The following RORA variants were observed in gnomAD, a reference collection of about 807,000 sequenced individuals.
The protein encoded by RORA is nuclear receptor ROR-alpha.
Under a neutral mutation model 69.5 loss-of-function variants are expected in RORA, and 7 were observed. That is an observed-to-expected ratio of 0.10 (90% CI 0.06 to 0.19). The LOEUF is 0.19. RORA is among the 10% of genes least tolerant of loss of function. RORA has a pLI of 1.00. For missense variants in RORA, 457 were observed against 663.0 expected (o/e 0.69, Z 3.41); for synonymous variants, 261 against 240.8 (o/e 1.08, Z -0.78).
At chr15:60,560,974 T>G (rs1280669966) in intron 2 of RORA, among the ~76,000 whole-genome samples, 1 of 152,064 alleles carries the variant, frequency 6.6e-6, no homozygotes, top group African/African-American at 2.4e-5. Context: ...TATACACATC[T>G]GTACTCCCAC....
chr15:60,891,884 C>T (rs578093031), intron 1 of RORA, among the ~76,000 whole-genome samples: 1 of 152,194 alleles, frequency 6.6e-6, no homozygotes, highest in South Asian at 2.1e-4. Context: ...CTCCTGGATG[C>T]CTTCGTGGCT....
chr15:60,773,152 C>T (rs892286531), intron 1 of RORA, among the ~76,000 whole-genome samples: 6 of 152,142 alleles, frequency 3.9e-5, no homozygotes, highest in African/African-American at 1.4e-4. Flanking sequence ...GAGGATGAAG[C>T]CTTGATCCAT....
intron 1 of RORA, chr15:60,841,088 C>G (rs2140403267): frequency 1.0e-6 from 1 of 985,228 alleles, no homozygotes; most frequent in East Asian, 1.1e-4. Flanking sequence ...GACTGACTCC[C>G]CGTGAGCATT....
chr15:60,722,200 CAAG>C (rs1379259990), intron 1 of RORA, among the ~76,000 whole-genome samples: 1 of 152,166 alleles, frequency 6.6e-6, no homozygotes, highest in African/African-American at 2.4e-5. Context: ...TTCTGAATTT[CAAG>C]AAGACTTCCA....
chr15:61,061,354 AAAATAAATAAATAAATAAAT>A lies in RORA; in HGVS notation c.166+167679_166+167698del, dbSNP rs59914367. Among the ~76,000 whole-genome samples, 1 of 137,102 alleles carries A rather than the reference AAAATAAATAAATAAATAAAT, an allele frequency of 7.3e-6. No individual in the cohort carries two copies. The highest frequency in any genetic ancestry group is 2.7e-5 in the African/African-American group (1 of 36,956). 89.9% of individuals were successfully genotyped at this position (137,102 alleles called of 152,430 possible). A position where few individuals can be genotyped will look rare whatever the true frequency, so the allele number is the denominator to read the frequency against. On this transcript the variant is annotated intron_variant, in intron 1 of 10. Transcript: ENST00000335670. This position sits in a 1 kb window ranked among gnomAD's most constrained non-coding sequence, Gnocchi z 4.4. Reference sequence around the variant, plus strand: ...GAGACAGAGCGAGGCTCTATCTTAAAAAATAAATAAATAAATAAATAAATAAATAAATAAATAAATAAATA... The same window carrying A: ...GAGACAGAGCGAGGCTCTATCTTAAAAAATAAATAAATAAATAAATAAATA...
chr15:60,634,391 T>C (rs1202655695), intron 2 of RORA, among the ~76,000 whole-genome samples: 1 of 141,728 alleles, frequency 7.1e-6, no homozygotes, highest in African/African-American at 2.8e-5. Flanking sequence ...AGAGAAGCAG[T>C]GCTACCACTT....
At chr15:60,939,203 T>C (rs1258462027) in intron 1 of RORA, among the ~76,000 whole-genome samples, 2 of 152,148 alleles carry the variant, frequency 1.3e-5, no homozygotes, top group South Asian at 2.1e-4. Flanking sequence ...CATTCATTCA[T>C]TCCATTCATT....
intron 1 of RORA, among the ~76,000 whole-genome samples, chr15:60,733,947 AGAGAG>A (rs1274262673): frequency 2.6e-5 from 4 of 151,350 alleles, no homozygotes; most frequent in Admixed American, 6.6e-5. Context: ...AGAGAGAGAG[AGAGAG>A]AGAAAGAGAA....
At chr15:60,643,196 GTTAAA>G (rs1373285457) in intron 2 of RORA, among the ~76,000 whole-genome samples, 1 of 152,144 alleles carries the variant, frequency 6.6e-6, no homozygotes, top group East Asian at 1.9e-4. Context: ...CACACATTAA[GTTAAA>G]TTAAAAAGAA....
chr15:61,171,383 A>G (rs916467947), intron 1 of RORA, among the ~76,000 whole-genome samples: 49 of 152,284 alleles, frequency 3.2e-4, no homozygotes, highest in African/African-American at 1.1e-3. Flanking sequence ...AGAGCCTGCT[A>G]AGCCAGACTG....
At chr15:60,847,315 C>A (rs2073276996) in intron 1 of RORA, among the ~76,000 whole-genome samples, 1 of 151,938 alleles carries the variant, frequency 6.6e-6, no homozygotes. Flanking sequence ...TCGGAGGTTG[C>A]AGCCAGGCAA....
intron 1 of RORA, among the ~76,000 whole-genome samples, chr15:60,904,029 G>C (rs1467421967): frequency 1.3e-5 from 2 of 152,166 alleles, no homozygotes; most frequent in East Asian, 1.9e-4. Context: ...TGAGTGCTCA[G>C]TGTCAGGAAC....
chr15:60,935,575 G>A (rs1368686005), intron 1 of RORA, among the ~76,000 whole-genome samples: 1 of 152,180 alleles, frequency 6.6e-6, no homozygotes, highest in Non-Finnish European at 1.5e-5. Flanking sequence ...GCTTACACTG[G>A]AACAGAAAAT....
chr15:60,854,604 T>C (rs1028491309), intron 1 of RORA, among the ~76,000 whole-genome samples: 10 of 152,130 alleles, frequency 6.6e-5, no homozygotes, highest in African/African-American at 2.4e-4. Context: ...TTAGTAGGTA[T>C]CAGAAACAAA....
chr15:61,092,776 A>G (rs939779018), intron 1 of RORA, among the ~76,000 whole-genome samples: 2 of 152,208 alleles, frequency 1.3e-5, no homozygotes, highest in Non-Finnish European at 2.9e-5. Flanking sequence ...CATTATACAC[A>G]GAATGGTGAG....
At chr15:60,564,412 A>G (rs2140432724) in intron 2 of RORA, among the ~76,000 whole-genome samples, 1 of 152,338 alleles carries the variant, frequency 6.6e-6, no homozygotes, top group South Asian at 2.1e-4. Flanking sequence ...GGCCCACCAA[A>G]TAAGATCATC....
intron 1 of RORA, among the ~76,000 whole-genome samples, chr15:61,079,048 C>T (rs1282114996): frequency 6.6e-6 from 1 of 152,072 alleles, no homozygotes; most frequent in African/African-American, 2.4e-5. Flanking sequence ...ACATGCCTCC[C>T]ACTCTGCCTT....
At chr15:60,853,455 C>A (rs897868646) in intron 1 of RORA, among the ~76,000 whole-genome samples, 2 of 152,176 alleles carry the variant, frequency 1.3e-5, no homozygotes, top group African/African-American at 4.8e-5. Context: ...AGGCATAAAA[C>A]GAGAAGTTTC....
At chr15:60,623,703 A>G (rs974036204) in intron 2 of RORA, among the ~76,000 whole-genome samples, 8 of 152,164 alleles carry the variant, frequency 5.3e-5, no homozygotes, top group Non-Finnish European at 1.2e-4. Flanking sequence ...AAGGATACAG[A>G]GGGGGATGAA....
Sources: gnomAD v4.1 joint callset for allele counts (sites outside exome capture counted in the v4.1 genomes callset) on GRCh38, gnomAD v4.1.1 for gene constraint, Gnocchi (gnomAD v3.1) non-coding constraint, MANE v1.5 for transcripts, NCBI Gene and HGNC (gene_info 2026-07-23, HGNC 2026-07-21) for gene names.